Variants in RASGEF1C observed in about 807,000 individuals in gnomAD.
RASGEF1C encodes ras-GEF domain-containing family member 1C.
RASGEF1C carries 27 observed loss-of-function variants against 58.1 expected under a neutral mutation model. The ratio of observed to expected loss-of-function variants is 0.46; its 90% CI spans 0.34 to 0.64. The LOEUF (loss-of-function observed/expected upper bound fraction) is 0.64. Ranked by LOEUF, RASGEF1C falls within the 30% of genes least tolerant of loss-of-function variation. The pLI is 0.01. For missense variants in RASGEF1C, 502 were observed against 605.1 expected, an observed-to-expected ratio of 0.83 and a Z score of 1.79; for synonymous variants, 243 against 246.3, an observed-to-expected ratio of 0.99 and a Z score of 0.13.
intron 1 of RASGEF1C, among the ~76,000 whole-genome samples, chr5:180,205,994 C>T (rs1279424237): frequency 6.6e-6 from 1 of 152,202 alleles, no homozygotes; most frequent in Non-Finnish European, 1.5e-5. Context: ...CTCAGCCTTC[C>T]CAAGTGCTGG....
At chr5:180,124,212 A>T (rs949333699) in intron 6 of RASGEF1C, among the ~76,000 whole-genome samples, 2 of 145,968 alleles carry the variant, frequency 1.4e-5, no homozygotes, top group African/African-American at 5.1e-5. Flanking sequence ...AGCCTGGGCG[A>T]CAGAGCGAGA....
At position 180,143,474 on chromosome 5, in the gene RASGEF1C, C is replaced by T. The variant is rs1247118259; in HGVS notation, c.-6-5416G>A. ...GAGGTAATGGTCACCTGCCCCCAGC[C>T]AGTTGAAAACGTGCCCAAGGGCCCT... On this transcript the variant is annotated intron_variant, in intron 1 of 13. Coordinates refer to ENST00000361132, the MANE Select transcript of RASGEF1C (RefSeq NM_175062.4). This position sits in a 1 kb window ranked among gnomAD's most constrained non-coding sequence, Gnocchi z 4.3. 6.6e-6 allele frequency among the ~76,000 whole-genome samples: 1 copy of T among 152,228 alleles called. No homozygotes were observed. The highest frequency in any genetic ancestry group is 1.5e-5 in the Non-Finnish European group (1 of 68,048).
Position 180,197,501 on chromosome 5 carries a change from G to A in RASGEF1C, c.-7+11527C>T, listed in dbSNP as rs929615046. Reference sequence around the variant, plus strand: ...GGACAGATGGGAGGCTGTGAGCAGAGAGAGGCCCACAAAGACAGAGAGTGA... The same window carrying A: ...GGACAGATGGGAGGCTGTGAGCAGAAAGAGGCCCACAAAGACAGAGAGTGA... On this transcript the variant is annotated intron_variant, in intron 1 of 13. Transcript: ENST00000361132. This position sits in a 1 kb window ranked among gnomAD's most constrained non-coding sequence, Gnocchi z 4.7. Among the ~76,000 whole-genome samples, 1 of 152,216 alleles carries A rather than the reference G, an allele frequency of 6.6e-6. No individual in the cohort carries two copies. The highest frequency in any genetic ancestry group is 2.4e-5 in the African/African-American group (1 of 41,456).
chr5:180,148,708 T>G (rs559777731), intron 1 of RASGEF1C, among the ~76,000 whole-genome samples: 33 of 152,346 alleles, frequency 2.2e-4, no homozygotes, highest in Non-Finnish European at 3.7e-4. Context: ...ATTTTCTTAA[T>G]GTATTAGTCT....
intron 1 of RASGEF1C, among the ~76,000 whole-genome samples, chr5:180,147,678 C>G (rs922200738): frequency 6.6e-6 from 1 of 152,138 alleles, no homozygotes; most frequent in Non-Finnish European, 1.5e-5. Context: ...TATGATATCT[C>G]TCTTTTAAAA....
chr5:180,182,486 G>T (rs1767363798), intron 1 of RASGEF1C, among the ~76,000 whole-genome samples: 1 of 152,124 alleles, frequency 6.6e-6, no homozygotes. Context: ...CTGTTGGCTG[G>T]GATGGCCAGC....
chr5:180,152,661 T>C (rs187550291), intron 1 of RASGEF1C, among the ~76,000 whole-genome samples: 50 of 150,656 alleles, frequency 3.3e-4, no homozygotes, highest in South Asian at 2.9e-3. Context: ...CATGTATACA[T>C]ATGTAACAAA....
intron 12 of RASGEF1C, among the ~76,000 whole-genome samples, chr5:180,106,930 A>C (rs2113236085): frequency 6.6e-6 from 1 of 152,298 alleles, no homozygotes; most frequent in Admixed American, 6.5e-5. Context: ...CTTTTGCTTA[A>C]TGAATTTTGT....
intron 1 of RASGEF1C, among the ~76,000 whole-genome samples, chr5:180,204,449 C>T (rs1218294903): frequency 6.6e-6 from 1 of 152,138 alleles, no homozygotes; most frequent in African/African-American, 2.4e-5. Flanking sequence ...GTCTGTTTAC[C>T]TCAGCCTAGT....
intron 1 of RASGEF1C, among the ~76,000 whole-genome samples, chr5:180,140,861 G>C (rs10072480): frequency 6.6e-6 from 1 of 152,174 alleles, no homozygotes; most frequent in South Asian, 2.1e-4. Context: ...TCGGCGGAGC[G>C]GGGGGCAACG....
chr5:180,203,032 C>G (rs1756424128), intron 1 of RASGEF1C, among the ~76,000 whole-genome samples: 1 of 152,132 alleles, frequency 6.6e-6, no homozygotes, highest in African/African-American at 2.4e-5. Context: ...AAGGAACCAA[C>G]AGAAGCTAAG....
chr5:180,193,685 C>A (rs1173350331), intron 1 of RASGEF1C, among the ~76,000 whole-genome samples: 4 of 152,194 alleles, frequency 2.6e-5, no homozygotes, highest in African/African-American at 9.7e-5. Context: ...AAATGCAGCA[C>A]GTGGGACGTG....
chr5:180,193,758 G>C (rs189109858), intron 1 of RASGEF1C, among the ~76,000 whole-genome samples: 329 of 152,300 alleles, frequency 2.2e-3, no homozygotes, highest in African/African-American at 7.4e-3. Flanking sequence ...GGGGGCATCA[G>C]ATTACAGACC....
In RASGEF1C at chr5:180,137,799, G is replaced by A; in HGVS notation, c.177+77C>T. ...CAGCTGGCCCTGTACCCTGGCCCAA[G>A]GTCACGCCCAACCCTGATGCCCCCC... On this transcript the variant is annotated intron_variant, in intron 2 of 13. Coordinates refer to ENST00000361132, the MANE Select transcript of RASGEF1C (RefSeq NM_175062.4). The surrounding 1 kb of genome is among the most constrained non-coding windows in gnomAD (Gnocchi z 4.1). The A allele has an allele frequency of 6.2e-7, 1 of 1,603,090 alleles. No homozygotes were observed. The highest frequency in any genetic ancestry group is 8.5e-7 in the Non-Finnish European group (1 of 1,174,958).
At position 180,168,279 on chromosome 5, in the gene RASGEF1C, C is replaced by T. The variant is rs1344955405; in HGVS notation, c.-6-30221G>A. Among the ~76,000 whole-genome samples the T allele has an allele frequency of 6.6e-6, 1 of 151,982 alleles. No homozygotes were observed. The highest frequency in any genetic ancestry group is 2.4e-5 in the African/African-American group (1 of 41,376). On this transcript the variant is annotated intron_variant, in intron 1 of 13. Transcript: ENST00000361132. The surrounding 1 kb of genome is among the most constrained non-coding windows in gnomAD (Gnocchi z 6.0). ...AACCCCGTCTCTACTTAAAAAAATA[C>T]AAAATTAGCCGAGCCTGGTGGTGCA... is the stretch of plus-strand genomic sequence containing the variant.
chr5:180,186,852 G>T (rs7737336), intron 1 of RASGEF1C, among the ~76,000 whole-genome samples: 1 of 152,110 alleles, frequency 6.6e-6, no homozygotes, highest in Non-Finnish European at 1.5e-5. Context: ...TGTAATGCCA[G>T]CTTCTCAGGA....
In RASGEF1C at chr5:180,152,568, TGG is replaced by T. The variant is rs1307288621; in HGVS notation, c.-6-14512_-6-14511del. ...TCACACACCGGGGCCTGTTGTGGGG[TGG>T]GGGGAGGGGGGAGGGATAGCATTAG... On this transcript the variant is annotated intron_variant, in intron 1 of 13. Coordinates refer to ENST00000361132, the MANE Select transcript of RASGEF1C (RefSeq NM_175062.4). Among the ~76,000 whole-genome samples, 123 of 35,800 alleles carry T rather than the reference TGG, an allele frequency of 3.4e-3. 1 individual carries two copies. The highest frequency in any genetic ancestry group is 0.012 in the African/African-American group (116 of 9,584). 23.5% of individuals were successfully genotyped at this position (35,800 alleles called of 152,430 possible).
At chr5:180,111,691 G>A (rs1229568164) in intron 11 of RASGEF1C, 111 bp from the exon 12 acceptor site, 1 of 1,204,006 alleles carries the variant, frequency 8.3e-7, no homozygotes, top group African/African-American at 1.5e-5. Context: ...TGGCTTTAGG[G>A]CTCTGAGGAG....
intron 4 of RASGEF1C, among the ~76,000 whole-genome samples, chr5:180,135,053 C>CCT (rs1554112748): frequency 6.9e-6 from 1 of 144,366 alleles, no homozygotes; most frequent in Admixed American, 7.0e-5. Context: ...CCACCCCCCC[C>CCT]GTCCAATCAT....
Sources: allele counts gnomAD v4.1 joint callset (sites outside exome capture counted in the v4.1 genomes callset), GRCh38; gene constraint gnomAD v4.1.1; non-coding constraint Gnocchi (gnomAD v3.1); transcripts MANE v1.5; gene names NCBI Gene and HGNC (gene_info 2026-07-23, HGNC 2026-07-21).